TMEM106B: variants seen among roughly 807,000 people sequenced by gnomAD.
The protein encoded by TMEM106B is transmembrane protein 106B.
In TMEM106B, 15 loss-of-function variants were observed where a neutral mutation model predicts 31.1. That is an observed-to-expected ratio of 0.48 (90% CI 0.32 to 0.74). TMEM106B has a LOEUF of 0.74. Ranked by LOEUF, TMEM106B falls within the 30% of genes least tolerant of loss-of-function variation. The pLI is 0.03. For missense variants in TMEM106B, 283 were observed against 327.3 expected (o/e 0.86, Z 1.04); for synonymous variants, 126 against 112.5 (o/e 1.12, Z -0.76).
chr7:12,218,613 TAAAAG>T, intron 3 of TMEM106B, 92 bp downstream of exon 3: 12 of 1,040,406 alleles, frequency 1.2e-5, no homozygotes, highest in African/African-American at 8.2e-5. Flanking sequence ...TTAAAACTAT[TAAAAG>T]AAAAAATGCT....
At position 12,242,672 on chromosome 7, in the gene TMEM106B, T is replaced by C. The variant is rs910153317; in HGVS notation, c.*10697T>C. On this transcript the variant is annotated 3_prime_UTR_variant, in exon 8 of 8. Transcript: ENST00000396668. The stretch of plus-strand genomic sequence containing the variant: ...TTAAAGGATTTCCTAAAAATGCTTA[T>C]TTGAATATTTATGTCATTTGTCACA... 2.0e-5 allele frequency: 3 copies of C among 152,184 alleles called. No homozygotes were observed. The highest frequency in any genetic ancestry group is 2.9e-5 in the Non-Finnish European group (2 of 68,024). The allele number at this position is 152,184 out of a possible 1,614,324, so 9.4% of individuals were successfully genotyped here.
intron 3 of TMEM106B, 26 bp from the exon 4 acceptor site, chr7:12,224,200 C>T (rs764126575): frequency 1.9e-6 from 3 of 1,600,536 alleles, no homozygotes; most frequent in African/African-American, 2.7e-5. Context: ...TGCACATGTA[C>T]TTAAATACCC....
rs143448984 is a variant in TMEM106B, at chr7:12,214,926, A to T, written c.116A>T (p.Asp39Val). The change falls in exon 2 of 8, where the codon GAT (aspartate) becomes GTT (valine). Residue 39 changes from aspartate to valine, a missense_variant. Physicochemically the swap from Asp to Val is radical, Grantham distance 152 (BLOSUM62 -3). This residue lies in a region of TMEM106B where 77 missense variants were observed against 89.4 expected (regional missense o/e 0.86). Coordinates refer to ENST00000396668, the MANE Select transcript of TMEM106B (RefSeq NM_001134232.2). ...GLVNSEVHNE[D>V]GRNGDVSQFP... ...GTTAATAGTGAAGTCCATAATGAAG[A>T]TGGAAGAAATGGAGATGTCTCTCAG... 280 of 1,614,122 alleles carry T rather than the reference A, an allele frequency of 1.7e-4. 3 individuals carry two copies. In the African/African-American group the frequency reaches 3.3e-3, roughly 19 times the overall value.
rs552221181 is a variant in TMEM106B, at chr7:12,219,358, T to C, written c.281+837T>C. On this transcript the variant is annotated intron_variant, in intron 3 of 7. Coordinates refer to ENST00000396668, the MANE Select transcript of TMEM106B (RefSeq NM_001134232.2). ...GGATGGAGCCCTTGAACAGTGAAGC[T>C]AGCAAAGCAACGCTGGCATATTCCA... Among the ~76,000 whole-genome samples the C allele has an allele frequency of 7.4e-4, 112 of 152,248 alleles. 1 individual carries two copies. Among genetic ancestry groups the C allele is most frequent in the African/African-American group, 2.5e-3 (105 of 41,564 alleles).
At chr7:12,215,610 G>A in intron 2 of TMEM106B, 1 of 371,288 alleles carries the variant, frequency 2.7e-6, no homozygotes, top group Non-Finnish European at 5.7e-6. Context: ...TAAGGATGGA[G>A]TTTCCCCATG....
chr7:12,230,468 TG>T, intron 6 of TMEM106B, 30 bp downstream of exon 6: 1 of 1,367,298 alleles, frequency 7.3e-7, no homozygotes, highest in Non-Finnish European at 1.0e-6. Context: ...AACTTTTTAT[TG>T]TCAAATAATG....
At chr7:12,219,369 C>T (rs1047975438) in intron 3 of TMEM106B, among the ~76,000 whole-genome samples, 3 of 152,128 alleles carry the variant, frequency 2.0e-5, no homozygotes, top group Non-Finnish European at 2.9e-5. Context: ...AGCAAAGCAA[C>T]GCTGGCATAT....
rs1782085685 is a variant in TMEM106B, at chr7:12,234,278, T to A, written c.*2303T>A. On this transcript the variant is annotated 3_prime_UTR_variant, in exon 8 of 8. Coordinates refer to ENST00000396668, the MANE Select transcript of TMEM106B (RefSeq NM_001134232.2). ...GGAAAGTAGAAGCATTTGCTTTTAG[T>A]CACTTAATTTTGAATCTTTTTTCTT... 6.6e-6 allele frequency: 1 copy of A among 152,018 alleles called. No individual in the cohort carries two copies. Among genetic ancestry groups the A allele is most frequent in the South Asian group, 2.1e-4 (1 of 4,830 alleles). 9.4% of individuals were successfully genotyped at this position (152,018 alleles called of 1,614,324 possible). A position where few individuals can be genotyped will look rare whatever the true frequency, so the allele number is the denominator to read the frequency against.
rs565911258 is a variant in TMEM106B at position 12,236,309 on chromosome 7, T to A, written c.*4334T>A. On this transcript the variant is annotated 3_prime_UTR_variant, in exon 8 of 8. Transcript: ENST00000396668. ...TACTAAAGAGATAAAAATGGTAATT[T>A]CCATTTTTAAAAGTAATTTGGTTGT... 224 of 152,060 alleles carry A rather than the reference T, an allele frequency of 1.5e-3. No homozygotes were observed. The highest frequency in any genetic ancestry group is 5.2e-3 in the African/African-American group (215 of 41,554). The allele number at this position is 152,060 out of a possible 1,614,324, so 9.4% of individuals were successfully genotyped here. A position where few individuals can be genotyped will look rare whatever the true frequency, so the allele number is the denominator to read the frequency against.
chr7:12,219,041 G>A (rs943549593), intron 3 of TMEM106B, among the ~76,000 whole-genome samples: 4 of 147,742 alleles, frequency 2.7e-5, no homozygotes, highest in Non-Finnish European at 6.0e-5. Flanking sequence ...GCATGCTCTA[G>A]CTTGGAGAAA....
chr7:12,236,647 C>T lies in TMEM106B; in HGVS notation c.*4672C>T, dbSNP rs962134479. ...TATAGTTCAAATTGTCCCACTTCAC[C>T]CAGAATTTTAGAAACTAGAAGTCTG... On this transcript the variant is annotated 3_prime_UTR_variant, in exon 8 of 8. Coordinates refer to ENST00000396668, the MANE Select transcript of TMEM106B (RefSeq NM_001134232.2). The T allele has an allele frequency of 6.6e-6, 1 of 151,926 alleles. No individual in the cohort carries two copies. The highest frequency in any genetic ancestry group is 2.4e-5 in the African/African-American group (1 of 41,420). 9.4% of individuals were successfully genotyped at this position (151,926 alleles called of 1,614,324 possible). A position where few individuals can be genotyped will look rare whatever the true frequency, so the allele number is the denominator to read the frequency against.
intron 2 of TMEM106B, among the ~76,000 whole-genome samples, chr7:12,217,827 A>G (rs963721801): frequency 6.6e-6 from 1 of 152,172 alleles, no homozygotes; most frequent in Non-Finnish European, 1.5e-5. Flanking sequence ...TTCTAATAAG[A>G]TTATAAAATT....
intron 3 of TMEM106B, among the ~76,000 whole-genome samples, chr7:12,223,049 G>A (rs1781818537): frequency 6.6e-6 from 1 of 152,066 alleles, no homozygotes; most frequent in African/African-American, 2.4e-5. Flanking sequence ...AGGATGTTGT[G>A]GGCATCCAAT....
intron 2 of TMEM106B, among the ~76,000 whole-genome samples, chr7:12,217,932 G>A (rs1037673958): frequency 5.9e-5 from 9 of 152,108 alleles, no homozygotes; most frequent in African/African-American, 1.9e-4. Context: ...CATGGATTGG[G>A]GTGAGACCTG....
At chr7:12,211,885 A>AT (rs2128523477) in intron 1 of TMEM106B, among the ~76,000 whole-genome samples, 1 of 152,246 alleles carries the variant, frequency 6.6e-6, no homozygotes, top group African/African-American at 2.4e-5. Context: ...GCTGTGATAT[A>AT]TTTTTTCTCT....
intron 1 of TMEM106B, among the ~76,000 whole-genome samples, chr7:12,212,068 T>C (rs189840004): frequency 6.6e-6 from 1 of 152,312 alleles, no homozygotes; most frequent in Admixed American, 6.5e-5. Context: ...GAAAATCTAG[T>C]AGAGAAGGCA....
intron 4 of TMEM106B, among the ~76,000 whole-genome samples, chr7:12,225,527 T>G (rs1005587042): frequency 5.3e-5 from 8 of 152,156 alleles, no homozygotes; most frequent in African/African-American, 1.9e-4. Context: ...CTCTCTACCA[T>G]CTGTTGTTTC....
chr7:12,217,882 C>G (rs1781717534), intron 2 of TMEM106B, among the ~76,000 whole-genome samples: 1 of 152,032 alleles, frequency 6.6e-6, no homozygotes, highest in Admixed American at 6.6e-5. Context: ...GGATATAGCT[C>G]AACCCAAGAA....
intron 3 of TMEM106B, among the ~76,000 whole-genome samples, chr7:12,223,078 A>G (rs1781819182): frequency 6.6e-6 from 1 of 152,202 alleles, no homozygotes. Flanking sequence ...TGTATGTTAG[A>G]GAGAACAGGA....
Sources: gnomAD v4.1 joint callset for allele counts (sites outside exome capture counted in the v4.1 genomes callset) on GRCh38, gnomAD v4.1.1 for gene constraint, gnomAD v4.1.1 regional missense constraint, MANE v1.5 for transcripts, NCBI Gene and HGNC (gene_info 2026-07-23, HGNC 2026-07-21) for gene names.